The following CADPS2 variants were observed in gnomAD, a reference collection of about 807,000 sequenced individuals.
CADPS2 encodes the protein calcium-dependent secretion activator 2.
CADPS2 carries 93 observed loss-of-function variants against 172.5 expected under a neutral mutation model. That is an observed-to-expected ratio of 0.54 (90% confidence interval 0.46 to 0.64). CADPS2 has a LOEUF of 0.64. Ranked by LOEUF, CADPS2 falls within the 30% of genes least tolerant of loss-of-function variation. CADPS2 has a pLI of 0.00. For synonymous variants in CADPS2, 546 were observed against 555.2 expected (o/e 0.98, Z 0.23); for missense variants, 1,420 against 1,565.9 (o/e 0.91, Z 1.57).
intron 28 of CADPS2, among the ~76,000 whole-genome samples, chr7:122,333,736 A>T (rs1317307260): frequency 6.6e-6 from 1 of 152,202 alleles, no homozygotes; most frequent in Non-Finnish European, 1.5e-5. Context: ...AATGTAGTTC[A>T]TGTCTCCCTC....
At chr7:122,732,229 A>G (rs2091714113) in intron 2 of CADPS2, among the ~76,000 whole-genome samples, 1 of 151,740 alleles carries the variant, frequency 6.6e-6, no homozygotes, top group South Asian at 2.1e-4. Context: ...ATTTTGTCAA[A>G]TAACGTGGAG....
intron 3 of CADPS2, among the ~76,000 whole-genome samples, chr7:122,635,815 T>C (rs2077016870): frequency 6.6e-6 from 1 of 152,328 alleles, no homozygotes; most frequent in South Asian, 2.1e-4. Context: ...TTAGGATAGT[T>C]AAGTCTTCCT....
intron 8 of CADPS2, among the ~76,000 whole-genome samples, chr7:122,541,157 T>C (rs2062873974): frequency 6.6e-6 from 1 of 151,842 alleles, no homozygotes; most frequent in Non-Finnish European, 1.5e-5. Context: ...CTTTTAACTT[T>C]CATATACCTA....
chr7:122,700,857 T>C (rs1479762736), intron 2 of CADPS2, among the ~76,000 whole-genome samples: 2 of 152,152 alleles, frequency 1.3e-5, no homozygotes, highest in Non-Finnish European at 2.9e-5. Flanking sequence ...GTTTGCAATG[T>C]TATCCTAAAT....
intron 13 of CADPS2, among the ~76,000 whole-genome samples, chr7:122,472,679 A>G (rs1308685851): frequency 6.6e-6 from 1 of 152,186 alleles, no homozygotes; most frequent in African/African-American, 2.4e-5. Context: ...CCGAGAGGAC[A>G]CTATCCCTTA....
intron 3 of CADPS2, among the ~76,000 whole-genome samples, chr7:122,651,871 C>T (rs1175883207): frequency 1.3e-5 from 2 of 152,066 alleles, no homozygotes; most frequent in African/African-American, 4.8e-5. Flanking sequence ...TACTATGTAT[C>T]CCACTCTTCA....
intron 14 of CADPS2, among the ~76,000 whole-genome samples, chr7:122,453,840 G>A (rs2053430059): frequency 2.0e-5 from 3 of 152,092 alleles, no homozygotes; most frequent in Admixed American, 2.0e-4. Context: ...GGTAAGTCAG[G>A]GGAAGCTCGC....
chr7:122,703,233 TA>T (rs1171199781), intron 2 of CADPS2, among the ~76,000 whole-genome samples: 1 of 152,170 alleles, frequency 6.6e-6, no homozygotes, highest in Non-Finnish European at 1.5e-5. Context: ...TTTCTAGCTG[TA>T]AGGCAAAGGC....
At chr7:122,741,635 C>T (rs2092480860) in intron 1 of CADPS2, among the ~76,000 whole-genome samples, 1 of 152,134 alleles carries the variant, frequency 6.6e-6, no homozygotes, top group Admixed American at 6.5e-5. Context: ...TCCTATTCAA[C>T]ATTCTAATCA....
chr7:122,566,445 A>G (rs1326296269), intron 7 of CADPS2, among the ~76,000 whole-genome samples: 1 of 152,158 alleles, frequency 6.6e-6, no homozygotes, highest in Non-Finnish European at 1.5e-5. Flanking sequence ...AAATCTGTAT[A>G]TAGAAGAGAT....
chr7:122,438,574 G>T, intron 16 of CADPS2, 110 bp from the exon 17 acceptor site: 2 of 1,277,840 alleles, frequency 1.6e-6, no homozygotes, highest in South Asian at 1.4e-5. Flanking sequence ...TACACAAATT[G>T]TCCTTGATCT....
At chr7:122,452,500 A>G (rs112598883) in intron 14 of CADPS2, among the ~76,000 whole-genome samples, 7,861 of 152,176 alleles carry the variant, frequency 0.052, 481 homozygotes, top group African/African-American at 0.15. Flanking sequence ...GATTCAAGCA[A>G]TTCTCCTGCC....
At chr7:122,520,707 G>A (rs891694708) in intron 8 of CADPS2, among the ~76,000 whole-genome samples, 3 of 152,076 alleles carry the variant, frequency 2.0e-5, no homozygotes, top group African/African-American at 7.2e-5. Context: ...CTTGAAGATT[G>A]TTCAAAGAAT....
At chr7:122,393,066 A>AT in intron 22 of CADPS2, 130 bp downstream of exon 22, 1 of 448,036 alleles carries the variant, frequency 2.2e-6, no homozygotes, top group Non-Finnish European at 3.1e-6. Context: ...AAACTCAAAT[A>AT]AAAAAAAAAA....
intron 8 of CADPS2, among the ~76,000 whole-genome samples, chr7:122,550,452 C>T (rs1383350329): frequency 6.6e-6 from 1 of 152,086 alleles, no homozygotes; most frequent in Non-Finnish European, 1.5e-5. Context: ...TTACGAAACT[C>T]TATTTTTACT....
In CADPS2 at chr7:122,615,242, A is replaced by G; in HGVS notation, c.1162T>C (p.Cys388Arg). Residue 388 changes from cysteine (C) to arginine (R), a missense_variant, in exon 6 of 30, where the codon TGT (cysteine) becomes CGT (arginine). Coordinates refer to ENST00000449022, the MANE Select transcript of CADPS2 (RefSeq NM_017954.11). ...TTTTCTCCTTCCACTTCCATTGTAC[A>G]GTAAACAATTCGATTGGGAGCAACT... ...KSVAPNRIVYCTMEVEGEKLQ... is the reference protein window; with the variant it reads ...KSVAPNRIVYRTMEVEGEKLQ... 1 of 1,560,952 alleles carries G rather than the reference A, an allele frequency of 6.4e-7. No individual in the cohort carries two copies.
At chr7:122,347,878 CA>C (rs1166157194) in intron 27 of CADPS2, among the ~76,000 whole-genome samples, 1 of 152,238 alleles carries the variant, frequency 6.6e-6, no homozygotes, top group South Asian at 2.1e-4. Flanking sequence ...CAAACTTTGT[CA>C]AAACACTGAC....
chr7:122,717,619 A>G (rs575209345), intron 2 of CADPS2, among the ~76,000 whole-genome samples: 1 of 152,282 alleles, frequency 6.6e-6, no homozygotes, highest in Admixed American at 6.5e-5. Context: ...ACTCTAATAT[A>G]GAAAATCTTC....
intron 6 of CADPS2, among the ~76,000 whole-genome samples, chr7:122,597,104 G>T (rs1383592318): frequency 6.6e-6 from 1 of 151,992 alleles, no homozygotes; most frequent in Non-Finnish European, 1.5e-5. Flanking sequence ...ATTCATGAGG[G>T]ATCTGCCACT....
Sources: gnomAD v4.1 joint callset for allele counts (sites outside exome capture counted in the v4.1 genomes callset) on GRCh38, gnomAD v4.1.1 for gene constraint, MANE v1.5 for transcripts, NCBI Gene and HGNC (gene_info 2026-07-23, HGNC 2026-07-21) for gene names.